RNF17: variants seen among roughly 807,000 people sequenced by gnomAD.
The protein encoded by RNF17 is spermatogenesis associated 23.
In RNF17, 31 loss-of-function variants were observed where a neutral mutation model predicts 200.5. The observed-to-expected ratio is 0.15, with a 90% CI of 0.12 to 0.21. RNF17 has a LOEUF of 0.21. Ranked by LOEUF, RNF17 falls within the 10% of genes least tolerant of loss-of-function variation. The probability of loss-of-function intolerance (pLI) is 1.00; values close to 1 mark genes in which losing one functional copy is unlikely to be tolerated. For synonymous variants in RNF17, 606 were observed against 637.8 expected (o/e 0.95, Z 0.75); for missense variants, 1,628 against 1,905.1 (o/e 0.85, Z 2.71).
intron 16 of RNF17, among the ~76,000 whole-genome samples, chr13:24,827,187 C>G (rs957847087): frequency 4.0e-4 from 61 of 152,194 alleles, no homozygotes; most frequent in African/African-American, 1.4e-3. Flanking sequence ...CTGCCTCAGC[C>G]TTCCAAAGAT....
At chr13:24,850,768 A>G (rs1891794912) in intron 23 of RNF17, among the ~76,000 whole-genome samples, 1 of 152,154 alleles carries the variant, frequency 6.6e-6, no homozygotes, top group Non-Finnish European at 1.5e-5. Context: ...TGCTTTTTGT[A>G]GGAGAAAAAA....
At chr13:24,751,812 T>C in the RNF17 span, 162 of 152,310 alleles carry the variant, frequency 1.1e-3, no homozygotes, top group African/African-American at 3.7e-3. Context: ...CAAAATTTGT[T>C]GTTGAATGCT....
At chr13:24,788,880 A>G (rs1883474087) in intron 7 of RNF17, among the ~76,000 whole-genome samples, 1 of 152,174 alleles carries the variant, frequency 6.6e-6, no homozygotes, top group Admixed American at 6.6e-5. Context: ...ACCTGCCTCC[A>G]AAGTCTCTAA....
At chr13:24,832,433 A>AATTGGGACCAAAATAGAGTCTGACC (rs1889518819) in intron 18 of RNF17, among the ~76,000 whole-genome samples, 1 of 152,240 alleles carries the variant, frequency 6.6e-6, no homozygotes, top group Non-Finnish European at 1.5e-5. Flanking sequence ...TTTTTAGAGC[A>AATTGGGACCAAAATAGAGTCTGACC]ATTGGGACCA....
At chr13:24,833,964 A>G (rs1189041595) in intron 18 of RNF17, among the ~76,000 whole-genome samples, 1 of 152,238 alleles carries the variant, frequency 6.6e-6, no homozygotes, top group Non-Finnish European at 1.5e-5. Context: ...GAAGTGTAAA[A>G]CCAAAGAACT....
At chr13:24,872,536 C>CTT (rs146813458) in intron 32 of RNF17, among the ~76,000 whole-genome samples, 24 of 151,266 alleles carry the variant, frequency 1.6e-4, no homozygotes, top group South Asian at 4.2e-4. Context: ...CATTGGTACA[C>CTT]TTTTTTTTTA....
intron 15 of RNF17, among the ~76,000 whole-genome samples, chr13:24,813,940 G>T (rs1015809719): frequency 1.9e-4 from 28 of 151,046 alleles, no homozygotes; most frequent in African/African-American, 6.6e-4. Context: ...GAAATTACAG[G>T]CATGAGCCTC....
intron 33 of RNF17, among the ~76,000 whole-genome samples, chr13:24,875,795 G>A (rs993810241): frequency 3.3e-5 from 5 of 152,166 alleles, no homozygotes; most frequent in Non-Finnish European, 5.9e-5. Flanking sequence ...ATTTTTTTAC[G>A]ATGCTCAAGG....
rs779310910 is a variant in RNF17, at chr13:24,830,577, A to G, written c.2339A>G (p.Glu780Gly). The G allele has an allele frequency of 1.2e-6, 2 of 1,609,242 alleles. No individual in the cohort carries two copies. The highest frequency in any genetic ancestry group is 3.4e-5 in the Admixed American group (2 of 59,668). ...AAAGACGTGCGTAAAATAAAGGATG[A>G]GTTTCTGAATGCCCCAGAGAAGGTA... The part of the protein sequence containing the change: ...TIKDVRKIKD[E>G]FLNAPEKAIK... The change falls in exon 17 of 36, where the codon GAG (glutamate) becomes GGG (glycine). Residue 780 changes from glutamate (E) to glycine (G), a missense_variant. Coordinates refer to ENST00000255324, the MANE Select transcript of RNF17 (RefSeq NM_031277.3).
At chr13:24,875,068 A>G (rs75794465) in intron 33 of RNF17, among the ~76,000 whole-genome samples, 1,767 of 152,332 alleles carry the variant, frequency 0.012, 34 homozygotes, top group African/African-American at 0.036. Context: ...GGGGTCTTCA[A>G]AAAGTTCATG....
intron 11 of RNF17, among the ~76,000 whole-genome samples, chr13:24,797,303 T>G (rs577470552): frequency 6.6e-6 from 1 of 152,298 alleles, no homozygotes; most frequent in African/African-American, 2.4e-5. Flanking sequence ...AAAACACTCA[T>G]TTATATTTTG....
chr13:24,871,725 T>C (rs1719767834), intron 32 of RNF17, among the ~76,000 whole-genome samples: 2 of 144,342 alleles, frequency 1.4e-5, no homozygotes, highest in African/African-American at 2.6e-5. Flanking sequence ...CTCTGTCCCC[T>C]GGGTTCAAGC....
intron 15 of RNF17, among the ~76,000 whole-genome samples, chr13:24,816,006 C>G (rs553223030): frequency 6.6e-6 from 1 of 152,094 alleles, no homozygotes; most frequent in South Asian, 2.1e-4. Context: ...GCAGTCCTCC[C>G]GCCTCAGCCT....
chr13:24,836,668 C>A (rs1354482579), intron 18 of RNF17, among the ~76,000 whole-genome samples: 1 of 152,096 alleles, frequency 6.6e-6, no homozygotes, highest in Non-Finnish European at 1.5e-5. Context: ...TGAGAGAATT[C>A]GCCATTACCA....
At chr13:24,747,996 C>T in the RNF17 span, among the ~76,000 whole-genome samples, 1 of 152,356 alleles carries the variant, frequency 6.6e-6, no homozygotes, top group South Asian at 2.1e-4. Flanking sequence ...CCTGGCCCTG[C>T]TGCCGGGGCG....
intron 14 of RNF17, 36 bp from the exon 15 acceptor site, chr13:24,804,252 G>T: frequency 6.3e-7 from 1 of 1,592,140 alleles, no homozygotes; most frequent in South Asian, 1.1e-5. Context: ...GACAGGGTGA[G>T]ACCCTGCTTA....
intron 3 of RNF17, among the ~76,000 whole-genome samples, 184 bp downstream of exon 3, chr13:24,775,088 A>G (rs1045009273): frequency 6.6e-6 from 1 of 151,130 alleles, no homozygotes; most frequent in Non-Finnish European, 1.5e-5. Flanking sequence ...TTAAAGAAGC[A>G]GCGTTTGTTT....
At chr13:24,825,420 T>C (rs887621593) in intron 15 of RNF17, among the ~76,000 whole-genome samples, 199 bp from the exon 16 acceptor site, 2 of 152,220 alleles carry the variant, frequency 1.3e-5, no homozygotes, top group East Asian at 1.9e-4. Context: ...AATGTGACTT[T>C]ATTTTTATGT....
intron 13 of RNF17, 94 bp downstream of exon 13, chr13:24,800,628 C>A: frequency 1.0e-6 from 1 of 961,634 alleles, no homozygotes; most frequent in Non-Finnish European, 1.5e-6. Flanking sequence ...CTCAGGGAAC[C>A]AGTAATCTTG....
Sources: gnomAD v4.1 joint callset for allele counts (sites outside exome capture counted in the v4.1 genomes callset) on GRCh38, gnomAD v4.1.1 for gene constraint, MANE v1.5 for transcripts, NCBI Gene and HGNC (gene_info 2026-07-23, HGNC 2026-07-21) for gene names.